The following SLC4A4 variants were observed in gnomAD, a reference collection of about 807,000 sequenced individuals.
SLC4A4 encodes solute carrier family 4 member 4, also known as electrogenic sodium bicarbonate cotransporter 1.
Under a neutral mutation model 111.5 loss-of-function variants are expected in SLC4A4, and 27 were observed. That is an observed-to-expected ratio of 0.24 (90% CI 0.18 to 0.33). The LOEUF (loss-of-function observed/expected upper bound fraction) is 0.33, where lower values mean the gene tolerates loss of function less well. SLC4A4 is among the 10% of genes least tolerant of loss of function. The pLI, the probability that SLC4A4 is intolerant of heterozygous loss-of-function variation, is 1.00. For missense variants in SLC4A4, 909 were observed against 1,315.5 expected, an observed-to-expected ratio of 0.69 and a Z score of 4.78; for synonymous variants, 443 against 463.4, an observed-to-expected ratio of 0.96 and a Z score of 0.57.
intron 1 of SLC4A4, chr4:71,236,328 A>G (rs1289100871): frequency 1.0e-6 from 1 of 988,382 alleles, no homozygotes; most frequent in Admixed American, 3.8e-5. Context: ...GATTGGGATT[A>G]TTTTCTCTTA....
intron 7 of SLC4A4, among the ~76,000 whole-genome samples, chr4:71,424,158 AC>A (rs1722847014): frequency 6.6e-6 from 1 of 152,022 alleles, no homozygotes; most frequent in Admixed American, 6.6e-5. Flanking sequence ...AAAACAAACA[AC>A]CCCATCAAAA....
intron 2 of SLC4A4, among the ~76,000 whole-genome samples, chr4:71,107,433 G>C (rs1226914524): frequency 6.6e-6 from 1 of 151,768 alleles, no homozygotes; most frequent in African/African-American, 2.4e-5. Context: ...TGCAACCTCT[G>C]CCTCCCAGGT....
intron 1 of SLC4A4, among the ~76,000 whole-genome samples, chr4:71,075,957 CTAAA>C (rs66711227): frequency 0.13 from 18,131 of 140,124 alleles, 1,489 homozygotes; most frequent in African/African-American, 0.22. Context: ...GACTCCATCT[CTAAA>C]TAAATAAATA....
intron 3 of SLC4A4, among the ~76,000 whole-genome samples, chr4:71,309,888 G>A (rs1450871527): frequency 6.6e-6 from 1 of 152,024 alleles, no homozygotes; most frequent in African/African-American, 2.4e-5. Flanking sequence ...ACCCCTCTGA[G>A]CTAAAGAAGC....
At chr4:71,408,494 T>C (rs746054721) in intron 7 of SLC4A4, among the ~76,000 whole-genome samples, 25 of 152,218 alleles carry the variant, frequency 1.6e-4, no homozygotes, top group Non-Finnish European at 3.4e-4. Flanking sequence ...AAAGTCCATT[T>C]CATTTAGGTA....
intron 2 of SLC4A4, among the ~76,000 whole-genome samples, chr4:71,156,812 C>T (rs1426632701): frequency 2.0e-5 from 3 of 152,238 alleles, no homozygotes; most frequent in East Asian, 1.9e-4. Flanking sequence ...TTTTTGGCCT[C>T]GTTTCAACAA....
chr4:71,151,257 A>G (rs7689135), intron 2 of SLC4A4, among the ~76,000 whole-genome samples: 16,366 of 152,192 alleles, frequency 0.11, 1,435 homozygotes, highest in African/African-American at 0.23. Flanking sequence ...TGTGTGTTTA[A>G]CTTAAACATG....
chr4:71,415,436 T>G (rs916649214), intron 7 of SLC4A4, among the ~76,000 whole-genome samples: 4 of 152,234 alleles, frequency 2.6e-5, no homozygotes, highest in African/African-American at 9.6e-5. Flanking sequence ...TCAGGTACTG[T>G]GCTAGGAGCT....
intron 3 of SLC4A4, among the ~76,000 whole-genome samples, chr4:71,277,433 C>T (rs933718589): frequency 6.6e-6 from 1 of 152,068 alleles, no homozygotes; most frequent in South Asian, 2.1e-4. Context: ...TGTGTATCCT[C>T]TTTGGTGAAA....
At chr4:71,293,970 A>G (rs1391960843) in intron 3 of SLC4A4, among the ~76,000 whole-genome samples, 2 of 152,090 alleles carry the variant, frequency 1.3e-5, no homozygotes, top group Admixed American at 1.3e-4. Flanking sequence ...TTATTACAGA[A>G]TTGGTTTTTG....
At chr4:71,300,967 A>G (rs549588891) in intron 3 of SLC4A4, 4 of 506,862 alleles carry the variant, frequency 7.9e-6, no homozygotes, top group Non-Finnish European at 1.2e-5. Context: ...AGGGCTGATC[A>G]TGTGAAGGGA....
intron 4 of SLC4A4, 64 bp downstream of exon 4, chr4:71,339,569 A>G (rs757563086): frequency 6.5e-7 from 1 of 1,535,554 alleles, no homozygotes; most frequent in Non-Finnish European, 9.0e-7. Context: ...AAGATGCTTG[A>G]TCCTGGAGTG....
chr4:71,190,013 GT>G (rs1173181620), intron 1 of SLC4A4, among the ~76,000 whole-genome samples: 1 of 152,196 alleles, frequency 6.6e-6, no homozygotes, highest in Non-Finnish European at 1.5e-5. Flanking sequence ...AGTTGATGCT[GT>G]TTCCAAGGAC....
At chr4:71,317,423 A>G (rs1726776813) in intron 3 of SLC4A4, among the ~76,000 whole-genome samples, 1 of 152,160 alleles carries the variant, frequency 6.6e-6, no homozygotes, top group Admixed American at 6.5e-5. Context: ...ATTTAAAATC[A>G]GAAGAAAATA....
intron 7 of SLC4A4, among the ~76,000 whole-genome samples, chr4:71,417,856 G>A (rs932842347): frequency 3.3e-5 from 5 of 152,082 alleles, no homozygotes; most frequent in East Asian, 1.9e-4. Context: ...TGGTTTCACC[G>A]TATAGTGAAG....
At chr4:71,233,315 T>C in intron 1 of SLC4A4, 1 of 985,384 alleles carries the variant, frequency 1.0e-6, no homozygotes, top group African/African-American at 1.7e-5. Flanking sequence ...GTGTGTGGTA[T>C]GTAAAAATTA....
intron 2 of SLC4A4, among the ~76,000 whole-genome samples, chr4:71,135,612 A>G (rs1257167715): frequency 6.6e-6 from 1 of 152,118 alleles, no homozygotes; most frequent in Non-Finnish European, 1.5e-5. Context: ...CTACTCTTTT[A>G]GCAATTTTCA....
chr4:71,193,474 G>C (rs1745847339), intron 1 of SLC4A4, among the ~76,000 whole-genome samples: 1 of 152,140 alleles, frequency 6.6e-6, no homozygotes, highest in Non-Finnish European at 1.5e-5. Context: ...GGGAATTTCA[G>C]TTGTGTGTTT....
chr4:71,256,888 C>G (rs1721494344), intron 3 of SLC4A4, among the ~76,000 whole-genome samples: 1 of 152,224 alleles, frequency 6.6e-6, no homozygotes, highest in Admixed American at 6.5e-5. Flanking sequence ...TTTCTCTCCT[C>G]TCTGTGTCTT....
Sources: allele counts gnomAD v4.1 joint callset (sites outside exome capture counted in the v4.1 genomes callset), GRCh38; gene constraint gnomAD v4.1.1; transcripts MANE v1.5; gene names NCBI Gene and HGNC (gene_info 2026-07-23, HGNC 2026-07-21).